Variants in SENP3 observed in about 807,000 individuals in gnomAD.
SENP3 encodes sentrin-specific protease 3.
Under a neutral mutation model 66.2 loss-of-function variants are expected in SENP3, and 11 were observed. That is an observed-to-expected ratio of 0.17 (90% CI 0.10 to 0.28). SENP3 has a LOEUF of 0.28. SENP3 is among the 10% of genes least tolerant of loss of function. The probability of loss-of-function intolerance (pLI) is 1.00; values close to 1 mark genes in which losing one functional copy is unlikely to be tolerated. For missense variants in SENP3, 548 were observed against 743.7 expected (o/e 0.74, Z 3.06); for synonymous variants, 292 against 277.6 (o/e 1.05, Z -0.52).
In SENP3 at chr17:7,565,090, C is replaced by A; in HGVS notation, c.1067+20C>A. On this transcript the variant is annotated intron_variant, in intron 4 of 10. Coordinates refer to ENST00000321337, the MANE Select transcript of SENP3 (RefSeq NM_015670.6). The stretch of plus-strand genomic sequence containing the variant: ...TTCCAGGTGAGGCTTGAAAGCCCTC[C>A]TTGAAAGAAGGGCTGGGGCCTTGGG... 6.4e-7 allele frequency: 1 copy of A among 1,554,996 alleles called. No individual in the cohort carries two copies.
At chr17:7,566,701 C>T (rs2071272119) in intron 6 of SENP3, among the ~76,000 whole-genome samples, 1 of 151,054 alleles carries the variant, frequency 6.6e-6, no homozygotes, top group South Asian at 2.1e-4. Context: ...TTTGTTGACT[C>T]ATACCTATAA....
rs758057913 is a variant in SENP3 at position 7,570,872 on chromosome 17, C to T, written c.1564-11C>T. On this transcript the variant is annotated splice_polypyrimidine_tract_variant and intron_variant, in intron 9 of 10. Coordinates refer to ENST00000321337, the MANE Select transcript of SENP3 (RefSeq NM_015670.6). This position sits in a 1 kb window ranked among gnomAD's most constrained non-coding sequence, Gnocchi z 5.4. ...TCCATGTGAAGGGCCTGCTTTCTTT[C>T]TCTTCTCTAGAATGTGGCCAGGCAG... is the stretch of plus-strand genomic sequence containing the variant. 4 of 1,612,512 alleles carry T rather than the reference C, an allele frequency of 2.5e-6. No homozygotes were observed. The African/African-American group carries it at 5.3e-5, about 22-fold the overall frequency.
chr17:7,571,912 A>T lies in SENP3; in HGVS notation c.*429A>T, dbSNP rs12452635. 1.3e-3 allele frequency: 25 copies of T among 19,932 alleles called. 1 individual carries two copies. The highest frequency in any genetic ancestry group is 2.2e-3 in the Non-Finnish European group (15 of 6,912). The allele number at this position is 19,932 out of a possible 1,614,324, so 1.2% of individuals were successfully genotyped here. ...ATATATATATATATATATATATAAA[A>T]ATATATAAATGCCACGGTCCTGCTC... On this transcript the variant is annotated 3_prime_UTR_variant, in exon 11 of 11. Transcript: ENST00000321337.
chr17:7,570,164 A>G lies in SENP3; in HGVS notation c.1342-192A>G, dbSNP rs1053156396. Among the ~76,000 whole-genome samples the G allele has an allele frequency of 6.6e-6, 1 of 152,112 alleles. No homozygotes were observed. Among genetic ancestry groups the G allele is most frequent in the African/African-American group, 2.4e-5 (1 of 41,384 alleles). On this transcript the variant is annotated intron_variant, in intron 7 of 10. Coordinates refer to ENST00000321337, the MANE Select transcript of SENP3 (RefSeq NM_015670.6). The surrounding 1 kb of genome is among the most constrained non-coding windows in gnomAD (Gnocchi z 5.4). ...CAGTGTTCGTTCTGATGTCTCCTCC[A>G]TTGTCTGACCTTCCTCCCTTACCCC... is the stretch of plus-strand genomic sequence containing the variant.
In SENP3 at chr17:7,564,947, C is replaced by A; in HGVS notation, c.956-12C>A. 1.2e-6 allele frequency: 2 copies of A among 1,612,024 alleles called. No individual in the cohort carries two copies. Among genetic ancestry groups the A allele is most frequent in the African/African-American group, 2.7e-5 (2 of 75,012 alleles). On this transcript the variant is annotated splice_polypyrimidine_tract_variant and intron_variant, in intron 3 of 10. Coordinates refer to ENST00000321337, the MANE Select transcript of SENP3 (RefSeq NM_015670.6). ...TGGAGGCCTCACCCCCTCCTCTCTC[C>A]CTTTCCACCAGGCATCTTGGACGAA...
chr17:7,565,613 TGA>T, intron 5 of SENP3, 26 bp downstream of exon 5: 1 of 1,613,554 alleles, frequency 6.2e-7, no homozygotes, highest in Admixed American at 1.7e-5. Flanking sequence ...GAAACAGGCC[TGA>T]GAGGGGATTC....
chr17:7,566,234 G>A (rs895392098), intron 6 of SENP3, among the ~76,000 whole-genome samples: 1 of 151,858 alleles, frequency 6.6e-6, no homozygotes, highest in Non-Finnish European at 1.5e-5. Flanking sequence ...CCAGTTACTC[G>A]GGAGGCTGAG....
intron 2 of SENP3, among the ~76,000 whole-genome samples, chr17:7,564,045 G>C (rs1396474644): frequency 6.6e-6 from 1 of 152,148 alleles, no homozygotes; most frequent in East Asian, 1.9e-4. Flanking sequence ...CCGTGGTCTT[G>C]AGCGCAGATG....
chr17:7,571,534 T>A lies in SENP3; in HGVS notation c.*51T>A, dbSNP rs1301503550. ...ATAAATGGGAAGGGAGACATGGGAG[T>A]CCCTTCCCAAGAAACTCCAGTTCCT... On this transcript the variant is annotated 3_prime_UTR_variant, in exon 11 of 11. Transcript: ENST00000321337. 5 of 1,320,126 alleles carry A rather than the reference T, an allele frequency of 3.8e-6. No individual in the cohort carries two copies. The Admixed American group carries it at 5.2e-5, about 14-fold the overall frequency. The allele number at this position is 1,320,126 out of a possible 1,614,324, so 81.8% of individuals were successfully genotyped here.
In SENP3 at chr17:7,571,426, G is replaced by T; in HGVS notation, c.1668G>T (p.Met556Ile). The change falls in exon 11 of 11, where the codon ATG becomes ATT. Residue 556 changes from methionine (M) to isoleucine (I), a missense_variant. Physicochemically the swap from Met to Ile is conservative, Grantham distance 10. This residue lies in a region of SENP3 where 81 missense variants were observed against 139.8 expected (regional missense o/e 0.58). Transcript: ENST00000321337. ...SQPFSFTQQDMPKLRRQIYKE... is the reference protein window; with the variant it reads ...SQPFSFTQQDIPKLRRQIYKE... ...CATTCAGCTTCACCCAGCAGGACAT[G>T]CCCAAACTTCGTCGGCAGATCTACA... 2 of 1,604,120 alleles carry T rather than the reference G, an allele frequency of 1.2e-6. No homozygotes were observed. The highest frequency in any genetic ancestry group is 1.7e-5 in the Admixed American group (1 of 58,542).
rs1048288215 is a variant in SENP3 at position 7,571,549 on chromosome 17, CTCCAGT to C, written c.*70_*75del. 1 of 1,089,778 alleles carries C rather than the reference CTCCAGT, an allele frequency of 9.2e-7. No homozygotes were observed. Among genetic ancestry groups the C allele is most frequent in the African/African-American group, 1.6e-5 (1 of 64,040 alleles). 67.5% of individuals were successfully genotyped at this position (1,089,778 alleles called of 1,614,324 possible). A position where few individuals can be genotyped will look rare whatever the true frequency, so the allele number is the denominator to read the frequency against. On this transcript the variant is annotated 3_prime_UTR_variant, in exon 11 of 11. Coordinates refer to ENST00000321337, the MANE Select transcript of SENP3 (RefSeq NM_015670.6). ...GACATGGGAGTCCCTTCCCAAGAAA[CTCCAGT>C]TCCTTTCCTCTCTTGCCTCTTCCCA...
At chr17:7,565,096 A>G in intron 4 of SENP3, 26 bp downstream of exon 4, 1 of 1,524,894 alleles carries the variant, frequency 6.6e-7, no homozygotes, top group East Asian at 2.3e-5. Flanking sequence ...CCTCCTTGAA[A>G]GAAGGGCTGG....
intron 2 of SENP3, 63 bp from the exon 3 acceptor site, chr17:7,564,562 G>A: frequency 6.3e-7 from 1 of 1,596,002 alleles, no homozygotes; most frequent in Non-Finnish European, 8.5e-7. Flanking sequence ...TCAACTGTGT[G>A]CATCCCATTG....
rs1267061149 is a variant in SENP3, at chr17:7,565,366, C to T, written c.1068-74C>T. 4.5e-6 allele frequency: 7 copies of T among 1,541,822 alleles called. No individual in the cohort carries two copies. In the Admixed American group the frequency reaches 5.5e-5, roughly 12 times the overall value. ...AAGGGAGTCAGTTAGAATTTGTATT[C>T]CAGGGAGTAGTAGGTATTTCTGTGT... On this transcript the variant is annotated intron_variant, in intron 4 of 10. Transcript: ENST00000321337.
chr17:7,563,437 A>G lies in SENP3; in HGVS notation c.361A>G (p.Thr121Ala). 6.5e-7 allele frequency: 1 copy of G among 1,549,850 alleles called. No individual in the cohort carries two copies. Among genetic ancestry groups the G allele is most frequent in the Non-Finnish European group, 8.7e-7 (1 of 1,146,758 alleles). The change falls in exon 2 of 11, where the codon ACC (threonine) becomes GCC (alanine). Residue 121 changes from threonine to alanine, a missense_variant. By Grantham distance (58) the Thr-to-Ala change is moderately conservative. Around this residue, in one of 6 missense-constraint regions of SENP3, gnomAD observed 164 missense variants for 167.9 expected, o/e 0.98. Coordinates refer to ENST00000321337, the MANE Select transcript of SENP3 (RefSeq NM_015670.6). ...CCCTTCCCGCCCCACTCATCGAAAA[A>G]CCTGCTCACAGCGCCGCCGCCGAGC... is the stretch of plus-strand genomic sequence containing the variant. ...PRPSRPTHRK[T>A]CSQRRRRAMR...
At position 7,562,733 on chromosome 17, in the gene SENP3, G is replaced by C. The variant is rs1234036823; in HGVS notation, c.-11-333G>C. Among the ~76,000 whole-genome samples, 1 of 152,122 alleles carries C rather than the reference G, an allele frequency of 6.6e-6. No homozygotes were observed. Among genetic ancestry groups the C allele is most frequent in the Non-Finnish European group, 1.5e-5 (1 of 68,028 alleles). On this transcript the variant is annotated intron_variant, in intron 1 of 10. Coordinates refer to ENST00000321337, the MANE Select transcript of SENP3 (RefSeq NM_015670.6). The surrounding 1 kb of genome is among the most constrained non-coding windows in gnomAD (Gnocchi z 5.0). Reference sequence around the variant, plus strand: ...CTGAGGAAAGAAACTGCCCTTGTTGGGCCCTCAAAGGACAGCCCTGGTGGT... The same window carrying C: ...CTGAGGAAAGAAACTGCCCTTGTTGCGCCCTCAAAGGACAGCCCTGGTGGT...
In SENP3 at chr17:7,562,025, C is replaced by A. The variant is rs1567727340; in HGVS notation, c.-250C>A. The A allele has an allele frequency of 2.5e-6, 1 of 399,582 alleles. No homozygotes were observed. Among genetic ancestry groups the A allele is most frequent in the South Asian group, 1.2e-4 (1 of 8,478 alleles). The allele number at this position is 399,582 out of a possible 1,614,324, so 24.8% of individuals were successfully genotyped here. ...GCGGCGGCGGTGGCGCTGGTGGCGG[C>A]GGTGGCGGAGGTGGAGGTGGAGGTG... is the stretch of plus-strand genomic sequence containing the variant. On this transcript the variant is annotated 5_prime_UTR_variant, in exon 1 of 11. Coordinates refer to ENST00000321337, the MANE Select transcript of SENP3 (RefSeq NM_015670.6). This position sits in a 1 kb window ranked among gnomAD's most constrained non-coding sequence, Gnocchi z 5.0.
rs559823902 is a variant in SENP3, at chr17:7,562,984, G to A, written c.-11-82G>A. On this transcript the variant is annotated intron_variant, in intron 1 of 10. Transcript: ENST00000321337. The surrounding 1 kb of genome is among the most constrained non-coding windows in gnomAD (Gnocchi z 5.0). ...TTTTCTTTATTTGCATCTGAATCCAGAGGAGGCATGGCCAGGAAGAGAGGC... is the reference window on the plus strand; with the variant it reads ...TTTTCTTTATTTGCATCTGAATCCAAAGGAGGCATGGCCAGGAAGAGAGGC... 5.6e-5 allele frequency: 75 copies of A among 1,342,024 alleles called. 1 individual carries two copies. The South Asian group carries it at 1.5e-3, about 28-fold the overall frequency. 83.1% of individuals were successfully genotyped at this position (1,342,024 alleles called of 1,614,324 possible).
chr17:7,565,464 C>G lies in SENP3; in HGVS notation c.1092C>G (p.Ile364Met). 2 of 1,613,764 alleles carry G rather than the reference C, an allele frequency of 1.2e-6. No individual in the cohort carries two copies. The highest frequency in any genetic ancestry group is 1.7e-6 in the Non-Finnish European group (2 of 1,179,826). Residue 364 changes from isoleucine (I) to methionine (M), a missense_variant, in exon 5 of 11, where the codon ATC becomes ATG. Ile to Met is a conservative substitution (Grantham distance 10). Around this residue, in one of 6 missense-constraint regions of SENP3, gnomAD observed 72 missense variants for 137.9 expected, o/e 0.52. Transcript: ENST00000321337. The stretch of plus-strand genomic sequence containing the variant: ...GGAAGGGCCTGGTGTTGCAGCTGAT[C>G]CAGTCTTACCAGCGGATGCCAGGCA... ...PSRKGLVLQL[I>M]QSYQRMPGNA...
Sources: gnomAD v4.1 joint callset for allele counts (sites outside exome capture counted in the v4.1 genomes callset) on GRCh38, gnomAD v4.1.1 for gene constraint, gnomAD v4.1.1 regional missense constraint, Gnocchi (gnomAD v3.1) non-coding constraint, MANE v1.5 for transcripts, NCBI Gene and HGNC (gene_info 2026-07-23, HGNC 2026-07-21) for gene names.